Variants in DGKH observed in about 807,000 individuals in gnomAD.
The protein encoded by DGKH is DAG kinase eta.
In DGKH, 90 loss-of-function variants were observed where a neutral mutation model predicts 159.3. The ratio of observed to expected loss-of-function variants is 0.57; its 90% CI spans 0.48 to 0.67. The LOEUF (loss-of-function observed/expected upper bound fraction) is 0.67, where lower values mean the gene tolerates loss of function less well. Among genes scored for constraint, DGKH ranks in the 30% least tolerant of loss-of-function variants. The pLI, the probability that DGKH is intolerant of heterozygous loss-of-function variation, is 0.00. For synonymous variants in DGKH, 536 were observed against 553.8 expected, an observed-to-expected ratio of 0.97 and a Z score of 0.45; for missense variants, 1,181 against 1,506.1, an observed-to-expected ratio of 0.78 and a Z score of 3.57.
chr13:42,218,671 AC>A (rs1957876271), intron 26 of DGKH, among the ~76,000 whole-genome samples: 1 of 151,902 alleles, frequency 6.6e-6, no homozygotes, highest in South Asian at 2.1e-4. Context: ...ACCATGCCTA[AC>A]TAATTTTTGT....
chr13:42,143,520 G>T (rs368615756), intron 3 of DGKH, among the ~76,000 whole-genome samples: 2 of 152,068 alleles, frequency 1.3e-5, no homozygotes, highest in African/African-American at 4.8e-5. Context: ...CTGTGAATCC[G>T]TCTGGTCCTG....
At position 42,058,091 on chromosome 13, in the gene DGKH, CTA is replaced by C. The variant is rs138574810; in HGVS notation, c.192+9128_192+9129del. Among the ~76,000 whole-genome samples the C allele has an allele frequency of 9.4e-3, 1,425 of 152,164 alleles. 20 individuals are homozygous for C. Among genetic ancestry groups the C allele is most frequent in the African/African-American group, 0.031 (1,285 of 41,482 alleles). ...GAGGGCTCTCCACCAAAGTTTATGT[CTA>C]TGTGTATGCCCCTCAGAAGGTTAAA... On this transcript the variant is annotated intron_variant, in intron 1 of 29. Coordinates refer to ENST00000337343, the MANE Select transcript of DGKH (RefSeq NM_178009.5).
intron 1 of DGKH, among the ~76,000 whole-genome samples, chr13:42,111,078 A>G (rs189146673): frequency 4.6e-5 from 7 of 152,338 alleles, no homozygotes; most frequent in Admixed American, 4.6e-4. Flanking sequence ...AAAAAGAAAA[A>G]TACATTCAGA....
rs565103343 is a variant in DGKH at position 42,232,606 on chromosome 13, A to G, written c.*3418A>G. ...GACCCCTTTCATTTCTCGCTTAAGC[A>G]TACATGGTGGGTCATTTAACTAAGT... On this transcript the variant is annotated 3_prime_UTR_variant, in exon 30 of 30. Coordinates refer to ENST00000337343, the MANE Select transcript of DGKH (RefSeq NM_178009.5). 1 of 152,206 alleles carries G rather than the reference A, an allele frequency of 6.6e-6. No individual in the cohort carries two copies. Among genetic ancestry groups the G allele is most frequent in the East Asian group, 1.9e-4 (1 of 5,196 alleles). The allele number at this position is 152,206 out of a possible 1,614,324, so 9.4% of individuals were successfully genotyped here. A position where few individuals can be genotyped will look rare whatever the true frequency, so the allele number is the denominator to read the frequency against.
At chr13:42,052,535 CAT>C (rs1240084078) in intron 1 of DGKH, among the ~76,000 whole-genome samples, 1 of 152,248 alleles carries the variant, frequency 6.6e-6, no homozygotes, top group Non-Finnish European at 1.5e-5. Flanking sequence ...TAACACTTGT[CAT>C]ATCTCTTCCC....
At chr13:42,189,999 A>T (rs1957023480) in intron 15 of DGKH, among the ~76,000 whole-genome samples, 1 of 152,076 alleles carries the variant, frequency 6.6e-6, no homozygotes. Flanking sequence ...AATTTCCCAA[A>T]TGTTTATGTT....
chr13:42,254,675 G>A (rs999836870), intron 30 of DGKH, among the ~76,000 whole-genome samples: 3 of 151,472 alleles, frequency 2.0e-5, no homozygotes, highest in African/African-American at 4.8e-5. Context: ...CCTTCCTTGT[G>A]TTTGGCATGG....
chr13:42,192,646 C>A (rs1446149298), intron 16 of DGKH, among the ~76,000 whole-genome samples: 1 of 148,018 alleles, frequency 6.8e-6, no homozygotes, highest in Non-Finnish European at 1.5e-5. Flanking sequence ...CTTCTTCCTT[C>A]TTTCTTCTTT....
At chr13:42,148,889 G>T (rs566168863) in intron 3 of DGKH, among the ~76,000 whole-genome samples, 1 of 149,892 alleles carries the variant, frequency 6.7e-6, no homozygotes, top group Admixed American at 6.7e-5. Context: ...CTTCCCCGCC[G>T]ACATACACAG....
intron 1 of DGKH, among the ~76,000 whole-genome samples, chr13:42,068,565 T>A (rs1332209398): frequency 6.6e-6 from 1 of 152,200 alleles, no homozygotes; most frequent in Non-Finnish European, 1.5e-5. Context: ...AAAAATGTCT[T>A]AGGATAAAAA....
chr13:42,070,911 A>G, intron 1 of DGKH: 2 of 1,272,082 alleles, frequency 1.6e-6, no homozygotes, highest in Admixed American at 1.7e-5. Flanking sequence ...CACATAGAGC[A>G]TGTTTGACAC....
At chr13:42,140,908 TTTTTA>T (rs1226880806) in intron 3 of DGKH, 1 of 151,534 alleles carries the variant, frequency 6.6e-6, no homozygotes, top group Non-Finnish European at 1.5e-5. Flanking sequence ...AAATTTTATA[TTTTTA>T]TTTATTTTTT....
At chr13:42,217,772 G>T (rs1315538167) in intron 26 of DGKH, among the ~76,000 whole-genome samples, 1 of 152,108 alleles carries the variant, frequency 6.6e-6, no homozygotes. Context: ...AGTGGCTCAC[G>T]CCTGTAATTC....
At chr13:42,159,878 G>T in intron 6 of DGKH, 133 bp from the exon 7 acceptor site, 21 of 1,273,426 alleles carry the variant, frequency 1.6e-5, no homozygotes, top group South Asian at 4.1e-5. Flanking sequence ...AATAAACGTG[G>T]GGTAAATGAG....
chr13:42,105,760 T>C (rs1358383106), intron 1 of DGKH, among the ~76,000 whole-genome samples: 3 of 152,168 alleles, frequency 2.0e-5, no homozygotes, highest in South Asian at 2.1e-4. Context: ...TAAATGAAAT[T>C]AGGTGTCAGA....
In DGKH at chr13:42,174,123, A is replaced by G; in HGVS notation, c.1431A>G (p.Pro477=). The change falls in exon 12 of 30, where the codon CCA becomes CCG. Residue 477 remains proline (P), a synonymous_variant. Transcript: ENST00000337343. ...PPKASLLPGP[P]EASEEFYMTI... ...AAGCTTCCCTACTTCCAGGACCTCC[A>G]GAAGCATCTGAAGAATTTTATGTAA... 6.2e-7 allele frequency: 1 copy of G among 1,613,966 alleles called. No individual in the cohort carries two copies. The highest frequency in any genetic ancestry group is 8.5e-7 in the Non-Finnish European group (1 of 1,179,924).
chr13:42,154,695 T>C (rs1955996002), intron 3 of DGKH, among the ~76,000 whole-genome samples: 1 of 152,164 alleles, frequency 6.6e-6, no homozygotes, highest in Non-Finnish European at 1.5e-5. Flanking sequence ...GGAAGTGATA[T>C]GTAAACTCAA....
At chr13:42,058,804 C>T (rs1272903585) in intron 1 of DGKH, among the ~76,000 whole-genome samples, 1 of 152,198 alleles carries the variant, frequency 6.6e-6, no homozygotes, top group Non-Finnish European at 1.5e-5. Flanking sequence ...CTTATGTTTT[C>T]CCTCACCTGC....
At chr13:42,097,718 C>T (rs1169636043) in intron 1 of DGKH, among the ~76,000 whole-genome samples, 3 of 152,188 alleles carry the variant, frequency 2.0e-5, no homozygotes, top group Admixed American at 6.5e-5. Flanking sequence ...CCAGAATAAA[C>T]CTCCAGCCTT....
Sources: allele counts gnomAD v4.1 joint callset (sites outside exome capture counted in the v4.1 genomes callset), GRCh38; gene constraint gnomAD v4.1.1; transcripts MANE v1.5; gene names NCBI Gene and HGNC (gene_info 2026-07-23, HGNC 2026-07-21).